SLC35D1: variants seen among roughly 807,000 people sequenced by gnomAD.
SLC35D1 encodes the protein nucleotide sugar transporter SLC35D1.
SLC35D1 carries 31 observed loss-of-function variants against 46.7 expected under a neutral mutation model. The observed-to-expected ratio is 0.66, with a 90% CI of 0.50 to 0.90. SLC35D1 has a LOEUF of 0.90. Ranked by LOEUF, SLC35D1 falls within the 40% of genes least tolerant of loss-of-function variation. The pLI, the probability that SLC35D1 is intolerant of heterozygous loss-of-function variation, is 0.00. For missense variants in SLC35D1, 397 were observed against 426.2 expected (o/e 0.93, Z 0.60); for synonymous variants, 195 against 164.6 (o/e 1.18, Z -1.41).
At chr1:67,014,670 G>GTTTTTTTTTTTTTTTTTTTTTTTTTT (rs34459732) in intron 10 of SLC35D1, among the ~76,000 whole-genome samples, 1 of 99,984 alleles carries the variant, frequency 1.0e-5, no homozygotes, top group Non-Finnish European at 1.9e-5. Flanking sequence ...TCAATTTTTA[G>GTTTTTTTTTTTTTTTTTTTTTTTTTT]TTTTTTTTTT....
the SLC35D1 span, among the ~76,000 whole-genome samples, chr1:66,976,306 TC>T: frequency 1.8e-4 from 27 of 152,316 alleles, no homozygotes; most frequent in Admixed American, 1.8e-3. Context: ...CCGGCCAACT[TC>T]CAAGCATTTT....
At chr1:67,039,579 T>C (rs1668200009) in intron 8 of SLC35D1, among the ~76,000 whole-genome samples, 1 of 152,048 alleles carries the variant, frequency 6.6e-6, no homozygotes, top group African/African-American at 2.4e-5. Flanking sequence ...TAGGATATCA[T>C]ATGCACCATT....
intron 8 of SLC35D1, among the ~76,000 whole-genome samples, chr1:67,041,825 A>G (rs1458616203): frequency 6.6e-6 from 1 of 152,228 alleles, no homozygotes; most frequent in Non-Finnish European, 1.5e-5. Context: ...ACAACTGTAC[A>G]CTAAAACTGA....
chr1:67,026,416 C>T (rs1161985001), intron 8 of SLC35D1, among the ~76,000 whole-genome samples: 2 of 152,062 alleles, frequency 1.3e-5, no homozygotes, highest in Non-Finnish European at 2.9e-5. Context: ...ACTGTACTTT[C>T]TCCCCCCTTG....
intron 8 of SLC35D1, among the ~76,000 whole-genome samples, chr1:67,037,578 T>C (rs1668149851): frequency 6.6e-6 from 1 of 152,152 alleles, no homozygotes; most frequent in Non-Finnish European, 1.5e-5. Flanking sequence ...CAGGATAACT[T>C]AGCACCAATT....
chr1:67,023,836 C>T (rs919614385), intron 8 of SLC35D1, among the ~76,000 whole-genome samples: 15 of 151,736 alleles, frequency 9.9e-5, no homozygotes, highest in Admixed American at 3.3e-4. Flanking sequence ...CTGAGCTGCA[C>T]GAGTTTTTAA....
At chr1:66,995,616 G>C (rs1039144614), downstream of SLC35D1, among the ~76,000 whole-genome samples, 1 of 152,032 alleles carries the variant, frequency 6.6e-6, no homozygotes, top group Non-Finnish European at 1.5e-5. Context: ...ACAGAGATGA[G>C]GGGACGTACT....
At chr1:66,991,119 G>A in the SLC35D1 span, among the ~76,000 whole-genome samples, 2 of 152,128 alleles carry the variant, frequency 1.3e-5, no homozygotes, top group African/African-American at 2.4e-5. Context: ...TAGTATAAAC[G>A]TGTTTTCATC....
At chr1:66,994,665 A>C (rs976333836), downstream of SLC35D1, among the ~76,000 whole-genome samples, 1 of 152,022 alleles carries the variant, frequency 6.6e-6, no homozygotes, top group Non-Finnish European at 1.5e-5. Flanking sequence ...AAAAAGAAAA[A>C]AAATCCAAAG....
intron 11 of SLC35D1, among the ~76,000 whole-genome samples, chr1:67,008,666 C>T (rs549483100): frequency 2.6e-5 from 4 of 152,236 alleles, no homozygotes; most frequent in East Asian, 3.9e-4. Context: ...CATTAGCCCC[C>T]GACAATGAGA....
chr1:67,035,391 G>A (rs1668102966), intron 8 of SLC35D1, among the ~76,000 whole-genome samples: 1 of 152,084 alleles, frequency 6.6e-6, no homozygotes, highest in Non-Finnish European at 1.5e-5. Flanking sequence ...GGTCTGTTCA[G>A]GTTTTGGATT....
chr1:67,044,562 C>T (rs956856328), intron 7 of SLC35D1, among the ~76,000 whole-genome samples: 3 of 152,128 alleles, frequency 2.0e-5, no homozygotes, highest in African/African-American at 7.2e-5. Context: ...CATACACATA[C>T]AAAATAAAGG....
the SLC35D1 span, among the ~76,000 whole-genome samples, chr1:66,982,914 A>G: frequency 2.0e-5 from 3 of 152,248 alleles, no homozygotes; most frequent in African/African-American, 7.2e-5. Context: ...CTGAAGTAGA[A>G]TAAGATGCTG....
chr1:66,978,869 C>T, the SLC35D1 span, among the ~76,000 whole-genome samples: 1 of 152,156 alleles, frequency 6.6e-6, no homozygotes, highest in Non-Finnish European at 1.5e-5. Context: ...GTTCTAATTT[C>T]TCTATTGATC....
chr1:67,035,192 CAG>C (rs1668098944), intron 8 of SLC35D1, among the ~76,000 whole-genome samples: 3 of 152,054 alleles, frequency 2.0e-5, no homozygotes, highest in Admixed American at 6.6e-5. Flanking sequence ...ATTTTGGTAT[CAG>C]GGTAACACTG....
the SLC35D1 span, chr1:66,986,704 C>G: frequency 2.6e-6 from 1 of 386,864 alleles, no homozygotes; most frequent in African/African-American, 2.1e-5. Flanking sequence ...ACATACATAT[C>G]TAAGTAAATC....
chr1:66,989,700 A>G, the SLC35D1 span, among the ~76,000 whole-genome samples: 1 of 152,178 alleles, frequency 6.6e-6, no homozygotes, highest in Admixed American at 6.5e-5. Context: ...CCTGGGCTCG[A>G]GTGATCCTCC....
At chr1:66,975,524 T>C in the SLC35D1 span, among the ~76,000 whole-genome samples, 6 of 143,924 alleles carry the variant, frequency 4.2e-5, no homozygotes, top group Non-Finnish European at 9.3e-5. Flanking sequence ...TGACACTATC[T>C]CAAAAAAAAA....
chr1:67,052,192 G>A (rs780959384), intron 3 of SLC35D1, 113 bp from the exon 4 acceptor site: 19 of 754,884 alleles, frequency 2.5e-5, no homozygotes, highest in South Asian at 2.0e-4. Context: ...CACTTAAAAC[G>A]TAAAATTAGT....
Sources: gnomAD v4.1 joint callset for allele counts (sites outside exome capture counted in the v4.1 genomes callset) on GRCh38, gnomAD v4.1.1 for gene constraint, MANE v1.5 for transcripts, NCBI Gene and HGNC (gene_info 2026-07-23, HGNC 2026-07-21) for gene names.